The following ADD1 variants were observed in gnomAD, a reference collection of about 807,000 sequenced individuals.
ADD1 encodes the protein adducin 1.
A neutral mutation model predicts 80.5 loss-of-function variants in ADD1; 24 were observed. The observed-to-expected ratio is 0.30, with a 90% confidence interval of 0.22 to 0.42. The LOEUF (loss-of-function observed/expected upper bound fraction) is 0.42. Ranked by LOEUF, ADD1 falls within the 10% of genes least tolerant of loss-of-function variation. The pLI is 1.00. For missense variants in ADD1, 948 were observed against 1,019.0 expected (o/e 0.93, Z 0.95); for synonymous variants, 373 against 393.8 (o/e 0.95, Z 0.63).
rs1016300726 is a variant in ADD1, at chr4:2,905,360, T to A, written c.1506+252T>A. On this transcript the variant is annotated intron_variant, in intron 10 of 15. Transcript: ENST00000683351. Reference sequence around the variant, plus strand: ...AGTATATCTCCGTATATAGCAAAAATATACAATAATTTACATGTATTAACC... The same window carrying A: ...AGTATATCTCCGTATATAGCAAAAAAATACAATAATTTACATGTATTAACC... 1.7e-5 allele frequency: 9 copies of A among 529,962 alleles called. No individual in the cohort carries two copies. The African/African-American group carries it at 1.7e-4, about 10-fold the overall frequency. 32.8% of individuals were successfully genotyped at this position (529,962 alleles called of 1,614,324 possible). A position where few individuals can be genotyped will look rare whatever the true frequency, so the allele number is the denominator to read the frequency against.
At chr4:2,916,225 C>G (rs955033038) in intron 14 of ADD1, among the ~76,000 whole-genome samples, 4 of 150,418 alleles carry the variant, frequency 2.7e-5, no homozygotes, top group Non-Finnish European at 4.4e-5. Context: ...GAGATGAAGT[C>G]TTGCTCTGTC....
rs1712551375 is a variant in ADD1, at chr4:2,929,124, A to G, written c.*601A>G. 6.6e-6 allele frequency: 1 copy of G among 152,280 alleles called. No homozygotes were observed. Among genetic ancestry groups the G allele is most frequent in the African/African-American group, 2.4e-5 (1 of 41,436 alleles). The allele number at this position is 152,280 out of a possible 1,614,324, so 9.4% of individuals were successfully genotyped here. On this transcript the variant is annotated 3_prime_UTR_variant, in exon 16 of 16. Coordinates refer to ENST00000683351, the MANE Select transcript of ADD1 (RefSeq NM_001354761.2). ...GCCTGTGTGCACCCAACGTGATGCT[A>G]TGCATGTCTGACCGACGATCCCTCG... is the stretch of plus-strand genomic sequence containing the variant.
intron 1 of ADD1, among the ~76,000 whole-genome samples, chr4:2,855,865 ATT>A (rs748487375): frequency 6.6e-6 from 1 of 151,524 alleles, no homozygotes; most frequent in Non-Finnish European, 1.5e-5. Flanking sequence ...ATGACCAGCT[ATT>A]TTTTGTATTT....
At chr4:2,900,140 A>G (rs1301544971) in intron 9 of ADD1, 1 of 154,084 alleles carries the variant, frequency 6.5e-6, no homozygotes, top group Admixed American at 6.5e-5. Context: ...AAGCCTGGAA[A>G]AAAACAGGAT....
intron 1 of ADD1, among the ~76,000 whole-genome samples, chr4:2,872,446 T>C (rs139280281): frequency 2.0e-4 from 31 of 152,394 alleles, no homozygotes; most frequent in African/African-American, 6.5e-4. Context: ...CATTACATAA[T>C]AGAATAAGAA....
intron 2 of ADD1, among the ~76,000 whole-genome samples, chr4:2,879,698 CTG>C (rs1296225919): frequency 6.6e-6 from 1 of 152,020 alleles, no homozygotes; most frequent in Non-Finnish European, 1.5e-5. Flanking sequence ...TCTCGGCTCA[CTG>C]TAGCCTCCAC....
intron 14 of ADD1, among the ~76,000 whole-genome samples, chr4:2,918,849 G>T (rs1388283110): frequency 2.8e-4 from 40 of 143,890 alleles, no homozygotes; most frequent in South Asian, 2.2e-3. Context: ...TTGTTATTTG[G>T]TTTTTTTTTT....
chr4:2,864,616 T>C (rs915314669), intron 1 of ADD1, among the ~76,000 whole-genome samples: 11 of 152,186 alleles, frequency 7.2e-5, no homozygotes, highest in African/African-American at 2.7e-4. Context: ...TTTGGAGTCC[T>C]GCTCTGTGTG....
At chr4:2,915,220 T>C (rs769138101) in intron 14 of ADD1, among the ~76,000 whole-genome samples, 180 bp downstream of exon 14, 1 of 152,166 alleles carries the variant, frequency 6.6e-6, no homozygotes, top group Non-Finnish European at 1.5e-5. Flanking sequence ...ATGGAAGAAA[T>C]TGCTGGCCGG....
chr4:2,900,312 C>T (rs894424375), intron 9 of ADD1: 4 of 152,314 alleles, frequency 2.6e-5, no homozygotes, highest in Admixed American at 6.6e-5. Flanking sequence ...GGTCTCAGTC[C>T]CGCAGCCACA....
chr4:2,896,301 C>T (rs528487980), intron 6 of ADD1, among the ~76,000 whole-genome samples: 3 of 151,882 alleles, frequency 2.0e-5, no homozygotes, highest in East Asian at 1.9e-4. Flanking sequence ...CTCTGCCCCT[C>T]GGGTTCAAGC....
chr4:2,880,093 T>C (rs1385476219), intron 2 of ADD1, among the ~76,000 whole-genome samples: 3 of 152,118 alleles, frequency 2.0e-5, no homozygotes, highest in African/African-American at 7.2e-5. Flanking sequence ...ATAATCACCA[T>C]GTTTTGTTTT....
intron 14 of ADD1, among the ~76,000 whole-genome samples, chr4:2,922,049 G>A (rs1740142411): frequency 6.6e-6 from 1 of 151,734 alleles, no homozygotes; most frequent in Non-Finnish European, 1.5e-5. Context: ...CTTTTTTCAA[G>A]GTTCTTAGCC....
chr4:2,915,165 G>A, intron 14 of ADD1, 125 bp downstream of exon 14: 3 of 1,112,506 alleles, frequency 2.7e-6, no homozygotes, highest in Non-Finnish European at 2.5e-6. Flanking sequence ...AGACAAACCA[G>A]AACTTTATCC....
chr4:2,886,570 C>G (rs909334128), intron 4 of ADD1, among the ~76,000 whole-genome samples: 5 of 152,166 alleles, frequency 3.3e-5, no homozygotes, highest in Non-Finnish European at 7.3e-5. Context: ...CCCTCTCTGC[C>G]CACAGGAATA....
At chr4:2,848,478 A>T (rs1434078947) in intron 1 of ADD1, among the ~76,000 whole-genome samples, 1 of 151,330 alleles carries the variant, frequency 6.6e-6, no homozygotes, top group Non-Finnish European at 1.5e-5. Flanking sequence ...TAATTAATTT[A>T]TTTTTTTTGA....
chr4:2,869,429 G>A (rs1044423109), intron 1 of ADD1, among the ~76,000 whole-genome samples: 9 of 152,142 alleles, frequency 5.9e-5, no homozygotes, highest in African/African-American at 1.9e-4. Context: ...CGTTTTATAA[G>A]GACATAAGTC....
chr4:2,890,005 T>C (rs1053551942), intron 4 of ADD1, among the ~76,000 whole-genome samples: 1 of 151,606 alleles, frequency 6.6e-6, no homozygotes, highest in Non-Finnish European at 1.5e-5. Flanking sequence ...TTGAGACCAG[T>C]GTGGCCAACA....
chr4:2,885,901 T>TGC lies in ADD1; in HGVS notation c.510+1236_510+1237dup, dbSNP rs1577566067. 1.4e-4 allele frequency among the ~76,000 whole-genome samples: 22 copies of TGC among 152,176 alleles called. No homozygotes were observed. The East Asian group carries it at 2.7e-3, about 19-fold the overall frequency. On this transcript the variant is annotated intron_variant, in intron 4 of 15. Coordinates refer to ENST00000683351, the MANE Select transcript of ADD1 (RefSeq NM_001354761.2). ...CTGGGATTACAGGCGTGAGCCACCC[T>TGC]GCCCGGCCCCTTCCTGCCTTGTTAG...
Sources: gnomAD v4.1 joint callset for allele counts (sites outside exome capture counted in the v4.1 genomes callset) on GRCh38, gnomAD v4.1.1 for gene constraint, MANE v1.5 for transcripts, NCBI Gene and HGNC (gene_info 2026-07-23, HGNC 2026-07-21) for gene names.